Variants in CFAP54 observed in about 807,000 individuals in gnomAD.
The protein encoded by CFAP54 is cilia and flagella associated protein 54.
Under a neutral mutation model 370.4 loss-of-function variants are expected in CFAP54, and 290 were observed. That is an observed-to-expected ratio of 0.78 (90% CI 0.71 to 0.86). The LOEUF (loss-of-function observed/expected upper bound fraction) is 0.86. Among genes scored for constraint, CFAP54 ranks in the 40% least tolerant of loss-of-function variants. The pLI is 0.00. For synonymous variants in CFAP54, 1,206 were observed against 1,236.5 expected (o/e 0.98, Z 0.52); for missense variants, 3,399 against 3,528.7 (o/e 0.96, Z 0.93).
intron 22 of CFAP54, among the ~76,000 whole-genome samples, chr12:96,581,410 C>T (rs1425369203): frequency 6.6e-6 from 1 of 152,128 alleles, no homozygotes; most frequent in Non-Finnish European, 1.5e-5. Flanking sequence ...GTTATCCTAT[C>T]ATCCAGAGTA....
intron 28 of CFAP54, among the ~76,000 whole-genome samples, chr12:96,624,565 T>C (rs1307847099): frequency 6.6e-6 from 1 of 152,148 alleles, no homozygotes; most frequent in East Asian, 1.9e-4. Context: ...ACTTGGGAAA[T>C]TGAGTTAGTT....
At chr12:96,791,710 A>G (rs1410826221) in intron 62 of CFAP54, among the ~76,000 whole-genome samples, 1 of 152,186 alleles carries the variant, frequency 6.6e-6, no homozygotes, top group Non-Finnish European at 1.5e-5. Context: ...ACAGAAACCA[A>G]ATAGGTGTTC....
intron 26 of CFAP54, among the ~76,000 whole-genome samples, chr12:96,611,388 C>T (rs548761721): frequency 1.3e-5 from 2 of 152,302 alleles, no homozygotes; most frequent in East Asian, 1.9e-4. Flanking sequence ...CCCATCTGTA[C>T]GTCACCATCA....
chr12:96,779,337 G>T (rs1033329626), intron 60 of CFAP54, among the ~76,000 whole-genome samples: 1 of 151,934 alleles, frequency 6.6e-6, no homozygotes, highest in African/African-American at 2.4e-5. Context: ...TAGTCTTTTT[G>T]TCTGACTTCT....
chr12:96,790,593 A>G (rs1958680787), intron 62 of CFAP54, among the ~76,000 whole-genome samples: 1 of 152,218 alleles, frequency 6.6e-6, no homozygotes, highest in South Asian at 2.1e-4. Context: ...TTGCTAAAAT[A>G]GTTGTCAGAA....
At chr12:96,528,747 A>G (rs1234129451) in intron 9 of CFAP54, among the ~76,000 whole-genome samples, 1 of 152,076 alleles carries the variant, frequency 6.6e-6, no homozygotes, top group Non-Finnish European at 1.5e-5. Context: ...GACCTTGTTG[A>G]TCTTCCCTAT....
intron 47 of CFAP54, among the ~76,000 whole-genome samples, chr12:96,706,784 GTGTA>G (rs564893015): frequency 7.3e-5 from 11 of 150,340 alleles, no homozygotes; most frequent in South Asian, 6.7e-4. Context: ...TACATTGTGT[GTGTA>G]TGTGTGTGTG....
At chr12:96,502,349 C>T (rs952718730) in intron 2 of CFAP54, among the ~76,000 whole-genome samples, 1 of 147,540 alleles carries the variant, frequency 6.8e-6, no homozygotes, top group African/African-American at 2.5e-5. Context: ...CTTGCTTGAG[C>T]CCAGGAGTTT....
Position 96,752,735 on chromosome 12 carries a change from A to G in CFAP54, c.7685-1008A>G, listed in dbSNP as rs116408954. ...TTCTCTGCTACACAATTGGCCATGC[A>G]GTATTTTGATTGCCTGTCTGGCTAT... is the stretch of plus-strand genomic sequence containing the variant. On this transcript the variant is annotated intron_variant, in intron 55 of 67. Coordinates refer to ENST00000524981, the MANE Select transcript of CFAP54 (RefSeq NM_001306084.2). 4.8e-3 allele frequency among the ~76,000 whole-genome samples: 736 copies of G among 152,312 alleles called. 4 individuals are homozygous for G. The highest frequency in any genetic ancestry group is 0.017 in the African/African-American group (695 of 41,576).
At chr12:96,812,887 C>G (rs111465991) in intron 64 of CFAP54, among the ~76,000 whole-genome samples, 27 of 151,436 alleles carry the variant, frequency 1.8e-4, no homozygotes, top group Non-Finnish European at 3.1e-4. Flanking sequence ...TTCTCCTCTT[C>G]TCTCCTGTTC....
In CFAP54 at chr12:96,522,121, G is replaced by C; in HGVS notation, c.1090G>C (p.Glu364Gln). Residue 364 changes from glutamate to glutamine, a missense_variant, in exon 8 of 68, where the codon GAA becomes CAA. This residue lies in a region of CFAP54 where 559 missense variants were observed against 576.7 expected (regional missense o/e 0.97). Coordinates refer to ENST00000524981, the MANE Select transcript of CFAP54 (RefSeq NM_001306084.2). ...GATGATCTTCAAAAGAGGAGTCTTT[G>C]AATCTAGAAGAAAAAACAAAGCTGT... ...AVMIFKRGVF[E>Q]SRRKNKAVFR... 6.5e-7 allele frequency: 1 copy of C among 1,535,684 alleles called. No homozygotes were observed. The highest frequency in any genetic ancestry group is 8.7e-7 in the Non-Finnish European group (1 of 1,146,784).
intron 25 of CFAP54, among the ~76,000 whole-genome samples, chr12:96,595,291 GCTT>G (rs1455016819): frequency 1.3e-4 from 20 of 152,124 alleles, no homozygotes; most frequent in African/African-American, 4.6e-4. Context: ...AGACTGATGA[GCTT>G]ATCACATTCA....
intron 22 of CFAP54, among the ~76,000 whole-genome samples, chr12:96,585,091 C>T (rs568515176): frequency 9.3e-5 from 14 of 151,328 alleles, no homozygotes; most frequent in South Asian, 2.1e-4. Flanking sequence ...GCTGGAATGC[C>T]GCTGATCTCA....
intron 66 of CFAP54, among the ~76,000 whole-genome samples, chr12:96,856,606 A>ACC (rs1249819153): frequency 1.3e-5 from 2 of 151,110 alleles, no homozygotes; most frequent in Non-Finnish European, 1.5e-5. Context: ...ATCTGAGACC[A>ACC]CCTCATCCTG....
chr12:96,521,880 T>G lies in CFAP54; in HGVS notation c.966T>G (p.Ala322=), dbSNP rs761668828. Residue 322 remains alanine, a synonymous_variant, in exon 7 of 68, where the codon GCT becomes GCG. Transcript: ENST00000524981. ...AGGCATTTGCTCGGCGTGCTTTGGC[T>G]AAAATTGATGAGTTAAGGCAACTGG... is the stretch of plus-strand genomic sequence containing the variant. The part of the protein sequence containing the change: ...HGEAFARRAL[A]KIDELRQLEL... 1.3e-6 allele frequency: 2 copies of G among 1,531,044 alleles called. No homozygotes were observed. Among genetic ancestry groups the G allele is most frequent in the South Asian group, 2.4e-5 (2 of 83,730 alleles). 94.8% of individuals were successfully genotyped at this position (1,531,044 alleles called of 1,614,324 possible).
At chr12:96,645,171 C>T (rs1156698085) in intron 33 of CFAP54, 1 of 456,398 alleles carries the variant, frequency 2.2e-6, no homozygotes, top group Non-Finnish European at 4.4e-6. Flanking sequence ...TTTTTAAGCA[C>T]TTACTGAGTG....
At chr12:96,740,174 T>C (rs1388462100) in intron 51 of CFAP54, 113 bp downstream of exon 51, 2 of 638,868 alleles carry the variant, frequency 3.1e-6, no homozygotes, top group East Asian at 2.9e-5. Context: ...AGAAAAAACA[T>C]TGAATTTGGA....
chr12:96,637,716 T>C (rs1419023785), intron 32 of CFAP54, among the ~76,000 whole-genome samples: 1 of 152,220 alleles, frequency 6.6e-6, no homozygotes, highest in Non-Finnish European at 1.5e-5. Flanking sequence ...AAAGATTCTA[T>C]ACATTTAAAA....
At chr12:96,510,981 A>T (rs1205002503) in intron 4 of CFAP54, among the ~76,000 whole-genome samples, 2 of 144,912 alleles carry the variant, frequency 1.4e-5, no homozygotes, top group Non-Finnish European at 3.0e-5. Context: ...AAAAAAAAAA[A>T]GAAATGAAAA....
Sources: gnomAD v4.1 joint callset for allele counts (sites outside exome capture counted in the v4.1 genomes callset) on GRCh38, gnomAD v4.1.1 for gene constraint, gnomAD v4.1.1 regional missense constraint, MANE v1.5 for transcripts, NCBI Gene and HGNC (gene_info 2026-07-23, HGNC 2026-07-21) for gene names.